SATL1: variants seen among roughly 807,000 people sequenced by gnomAD.
SATL1 encodes spermidine/spermine N1-acetyl transferase like 1.
A neutral mutation model predicts 51.8 loss-of-function variants in SATL1; 47 were observed. The observed-to-expected ratio is 0.91, with a 90% CI of 0.72 to 1.16. The LOEUF (loss-of-function observed/expected upper bound fraction) is 1.16, where lower values mean the gene tolerates loss of function less well. Among genes scored for constraint, SATL1 ranks in the 50% most tolerant of loss-of-function variants. SATL1 has a pLI of 0.00. For missense variants in SATL1, 520 were observed against 526.4 expected, an observed-to-expected ratio of 0.99 and a Z score of 0.12; for synonymous variants, 176 against 182.4, an observed-to-expected ratio of 0.97 and a Z score of 0.28.
intron 2 of SATL1, among the ~76,000 whole-genome samples, chrX:85,123,059 A>G (rs1925541598): frequency 9.0e-6 from 1 of 111,588 alleles, no homozygotes; most frequent in Non-Finnish European, 1.9e-5. Context: ...CCAGTCCACC[A>G]TTGATGGGCA....
intron 2 of SATL1, among the ~76,000 whole-genome samples, chrX:85,184,574 A>G (rs1181875707): frequency 9.0e-6 from 1 of 111,597 alleles, no homozygotes; most frequent in Middle Eastern, 4.2e-3. Flanking sequence ...TTCAAGCTCA[A>G]TTCTTTTTTT....
At chrX:85,216,066 C>A (rs1372811988) in intron 2 of SATL1, among the ~76,000 whole-genome samples, 1 of 111,792 alleles carries the variant, frequency 8.9e-6, no homozygotes, top group Non-Finnish European at 1.9e-5. Flanking sequence ...CTGGTGAAAG[C>A]CTCAATCTGT....
At chrX:85,189,062 A>T (rs1001194918) in intron 2 of SATL1, among the ~76,000 whole-genome samples, 3 of 112,768 alleles carry the variant, frequency 2.7e-5, no homozygotes, top group Non-Finnish European at 5.6e-5. Flanking sequence ...TGATCAACTG[A>T]TACTAAATTC....
rs1299020086 is a variant in SATL1, at chrX:85,232,662, C to G, written c.-434-8336G>C. ...ATTGGTGGTGTCTAGGCAGTACTCG[C>G]CATGGCTCTGGGATGTTGGTGGCCA... On this transcript the variant is annotated intron_variant, in intron 1 of 7. Transcript: ENST00000644105. 2.7e-5 allele frequency among the ~76,000 whole-genome samples: 3 copies of G among 111,924 alleles called. No homozygotes were observed. In the Admixed American group the frequency reaches 2.8e-4, roughly 11 times the overall value.
At chrX:85,094,777 C>T in intron 5 of SATL1, 139 bp downstream of exon 5, 1 of 437,116 alleles carries the variant, frequency 2.3e-6, no homozygotes, top group Non-Finnish European at 4.1e-6. Context: ...AAGTACATAC[C>T]ATGCATTTTC....
chrX:85,149,003 G>T (rs762032410), intron 2 of SATL1, among the ~76,000 whole-genome samples: 12 of 111,415 alleles, frequency 1.1e-4, no homozygotes, highest in Middle Eastern at 4.6e-3. Flanking sequence ...ATGCTCCAAT[G>T]AAAAGACACA....
intron 4 of SATL1, among the ~76,000 whole-genome samples, chrX:85,103,490 G>T (rs1000996666): frequency 1.8e-5 from 2 of 111,615 alleles, no homozygotes; most frequent in African/African-American, 6.5e-5. Context: ...TAATCTTGAT[G>T]ACTATCAAAA....
At chrX:85,222,437 T>C (rs1448020043) in intron 2 of SATL1, among the ~76,000 whole-genome samples, 2 of 111,944 alleles carry the variant, frequency 1.8e-5, no homozygotes, top group Non-Finnish European at 3.8e-5. Flanking sequence ...ACAAATCTTA[T>C]GTTTGAACTT....
rs191041826 is a variant in SATL1 at position 85,234,215 on chromosome X, A to T, written c.-435+9373T>A. Among the ~76,000 whole-genome samples, 19 of 111,836 alleles carry T rather than the reference A, an allele frequency of 1.7e-4. No homozygotes were observed. In the East Asian group the frequency reaches 5.3e-3, roughly 31 times the overall value. The stretch of plus-strand genomic sequence containing the variant: ...TACCCAGTAATATTATACTTTGAAC[A>T]TGAAAGAAAAATAAAGACTTTCCAG... On this transcript the variant is annotated intron_variant, in intron 1 of 7. Transcript: ENST00000644105.
At chrX:85,202,124 A>C (rs998790410) in intron 2 of SATL1, among the ~76,000 whole-genome samples, 1 of 111,427 alleles carries the variant, frequency 9.0e-6, no homozygotes. Context: ...CCAGCATGTT[A>C]TTTTTTGACT....
At position 85,101,234 on chromosome X, in the gene SATL1, A is replaced by G. The variant is rs1373469888; in HGVS notation, c.1693+2630T>C. On this transcript the variant is annotated intron_variant, in intron 4 of 7. Coordinates refer to ENST00000644105, the MANE Select transcript of SATL1 (RefSeq NM_001367857.2). The stretch of plus-strand genomic sequence containing the variant: ...TAAAATCTTTTGTATGTGAAAGGGC[A>G]ATATCAAGAGTAAAAAGGCAACCCA... 2.7e-5 allele frequency among the ~76,000 whole-genome samples: 3 copies of G among 112,387 alleles called. No homozygotes were observed. The East Asian group carries it at 8.4e-4, about 31-fold the overall frequency.
intron 2 of SATL1, among the ~76,000 whole-genome samples, chrX:85,138,213 T>C (rs1926011446): frequency 8.9e-6 from 1 of 112,535 alleles, no homozygotes; most frequent in African/African-American, 3.2e-5. Flanking sequence ...TTGTAATTTT[T>C]TACATGATGT....
At chrX:85,185,879 C>T (rs6653044) in intron 2 of SATL1, among the ~76,000 whole-genome samples, 2,133 of 110,458 alleles carry the variant, frequency 0.019, 48 homozygotes, top group African/African-American at 0.066. Flanking sequence ...CTTCCCTCTC[C>T]TCTCCTCAAG....
rs1414781408 is a variant in SATL1, at chrX:85,094,192, T to C, written c.1812A>G (p.Thr604=). The C allele has an allele frequency of 1.7e-6, 2 of 1,190,598 alleles. No individual in the cohort carries two copies. Among genetic ancestry groups the C allele is most frequent in the Non-Finnish European group, 2.3e-6 (2 of 876,751 alleles). Residue 604 remains threonine (T), a synonymous_variant, in exon 6 of 8, where the codon ACA becomes ACG. Coordinates refer to ENST00000644105, the MANE Select transcript of SATL1 (RefSeq NM_001367857.2). ...LTVGFAMYYF[T]YDSWTGKVLY... is the part of the protein sequence containing the mutation. The stretch of plus-strand genomic sequence containing the variant: ...GTACCTTGCCAGTCCATGAGTCGTA[T>C]GTAAAGTAGTACATGGCAAATCCAA...
intron 1 of SATL1, among the ~76,000 whole-genome samples, chrX:85,233,217 A>G (rs190779517): frequency 1.8e-5 from 2 of 112,349 alleles, no homozygotes; most frequent in African/African-American, 6.5e-5. Flanking sequence ...CCACAGTGTT[A>G]GTGGTCTTGG....
intron 2 of SATL1, among the ~76,000 whole-genome samples, chrX:85,120,813 G>A (rs1448304264): frequency 9.0e-6 from 1 of 111,077 alleles, no homozygotes; most frequent in Non-Finnish European, 1.9e-5. Context: ...TCATAGCAAG[G>A]CGTGAAAGAC....
chrX:85,171,261 T>A (rs1926967613), intron 2 of SATL1, among the ~76,000 whole-genome samples: 1 of 111,310 alleles, frequency 9.0e-6, no homozygotes, highest in East Asian at 2.8e-4. Flanking sequence ...ATATTTCTTT[T>A]ATTGTTGGTT....
chrX:85,107,297 A>G lies in SATL1; in HGVS notation c.1641+31T>C, dbSNP rs867698433. 34 of 1,152,774 alleles carry G rather than the reference A, an allele frequency of 2.9e-5. 1 individual carries two copies. In the Middle Eastern group the frequency reaches 8.0e-3, roughly 272 times the overall value. ...ACTCTTTCAGCCCTACACCAATGCC[A>G]TGAGGCTCCATGTAATAAAAATAGG... On this transcript the variant is annotated intron_variant, in intron 3 of 7. Transcript: ENST00000644105.
chrX:85,205,154 T>C (rs1417255869), intron 2 of SATL1, among the ~76,000 whole-genome samples: 1 of 112,141 alleles, frequency 8.9e-6, no homozygotes, highest in Non-Finnish European at 1.9e-5. Context: ...GGTCACAGCA[T>C]TGAGATTACA....
Sources: allele counts gnomAD v4.1 joint callset (sites outside exome capture counted in the v4.1 genomes callset), GRCh38; gene constraint gnomAD v4.1.1; transcripts MANE v1.5; gene names NCBI Gene and HGNC (gene_info 2026-07-23, HGNC 2026-07-21).